The following VARS1 variants were observed in gnomAD, a reference collection of about 807,000 sequenced individuals.
The protein encoded by VARS1 is valyl-tRNA synthetase 1.
VARS1 carries 92 observed loss-of-function variants against 161.0 expected under a neutral mutation model. The observed-to-expected ratio is 0.57, with a 90% confidence interval of 0.48 to 0.68. The LOEUF (loss-of-function observed/expected upper bound fraction) is 0.68, where lower values mean the gene tolerates loss of function less well. Among genes scored for constraint, VARS1 ranks in the 30% least tolerant of loss-of-function variants. The pLI, the probability that VARS1 is intolerant of heterozygous loss-of-function variation, is 0.00. For synonymous variants in VARS1, 595 were observed against 682.5 expected (o/e 0.87, Z 2.00); for missense variants, 1,338 against 1,695.9 (o/e 0.79, Z 3.71).
Position 31,792,890 on chromosome 6 carries a change from T to C in VARS1, c.528A>G (p.Leu176=). ...TCCAGATCCGGCGGGCAGGTGGGTC[T>C]AGGACCTGGAACAGGAAATAAATGA... ...TALLLPFRYV[L]DPPARRIWNN... Residue 176 remains leucine (L), a synonymous_variant, in exon 4 of 30, where the codon CTA becomes CTG. Transcript: ENST00000375663. 6.2e-7 allele frequency: 1 copy of C among 1,614,138 alleles called. No individual in the cohort carries two copies. Among genetic ancestry groups the C allele is most frequent in the African/African-American group, 1.3e-5 (1 of 75,030 alleles).
rs370195598 is a variant in VARS1 at position 31,792,556 on chromosome 6, G to A, written c.662-40C>T. 3.1e-6 allele frequency: 5 copies of A among 1,612,904 alleles called. 1 individual carries two copies. The Middle Eastern group carries it at 6.7e-4, about 215-fold the overall frequency. The stretch of plus-strand genomic sequence containing the variant: ...AGAAATTCAGACTCAGCCAGCTGGG[G>A]ACCCTCTTGGACGGCCATACTAGGT... On this transcript the variant is annotated intron_variant, in intron 4 of 29. Coordinates refer to ENST00000375663, the MANE Select transcript of VARS1 (RefSeq NM_006295.3).
Position 31,782,362 on chromosome 6 carries a change from G to C in VARS1, c.2073C>G (p.Ala691=). 1 of 1,612,716 alleles carries C rather than the reference G, an allele frequency of 6.2e-7. No individual in the cohort carries two copies. The highest frequency in any genetic ancestry group is 8.5e-7 in the Non-Finnish European group (1 of 1,179,896). The change falls in exon 17 of 30, where the codon GCC becomes GCG. Residue 691 remains alanine (A), a synonymous_variant. Transcript: ENST00000375663. The surrounding 1 kb of genome is among the most constrained non-coding windows in gnomAD (Gnocchi z 8.3). The stretch of plus-strand genomic sequence containing the variant: ...TGCGGAGGTCACCCCGAGTCACAGC[G>C]GCGCTGGCAGCCTGGGCCATCTCCC... ...RCGEMAQAAS[A]AVTRGDLRIL... is the part of the protein sequence containing the mutation.
At chr6:31,794,704 G>A in intron 2 of VARS1, 127 bp downstream of exon 2, 1 of 1,320,704 alleles carries the variant, frequency 7.6e-7, no homozygotes, top group Non-Finnish European at 1.0e-6. Flanking sequence ...ATACCAGTTG[G>A]CAATCTGGGA....
Position 31,795,115 on chromosome 6 carries a change from C to T in VARS1, c.103G>A (p.Gly35Arg). ...GEAGEGPGWG[G>R]AHPRICLQPP... Reference sequence around the variant, plus strand: ...TGGAGACAGATGCGGGGGTGGGCTCCTCCCCATCCGGGACCCTCCCCAGCC... The same window carrying T: ...TGGAGACAGATGCGGGGGTGGGCTCTTCCCCATCCGGGACCCTCCCCAGCC... The change falls in exon 2 of 30, where the codon GGA (glycine) becomes AGA (arginine). Residue 35 changes from glycine (G) to arginine (R), a missense_variant. Physicochemically the swap from Gly to Arg is moderately radical, Grantham distance 125. Transcript: ENST00000375663. This position sits in a 1 kb window ranked among gnomAD's most constrained non-coding sequence, Gnocchi z 6.9. 6.7e-7 allele frequency: 1 copy of T among 1,487,218 alleles called. No homozygotes were observed. Among genetic ancestry groups the T allele is most frequent in the Non-Finnish European group, 8.9e-7 (1 of 1,117,500 alleles). 92.1% of individuals were successfully genotyped at this position (1,487,218 alleles called of 1,614,324 possible).
chr6:31,779,216 G>A lies in VARS1; in HGVS notation c.3477C>T (p.Ser1159=), dbSNP rs765007630. The A allele has an allele frequency of 3.4e-5, 54 of 1,606,678 alleles. No individual in the cohort carries two copies. The Admixed American group carries it at 5.5e-4, about 16-fold the overall frequency. The stretch of plus-strand genomic sequence containing the variant: ...GGGCCAGAACAGCCACCACACCTGC[G>A]CTGGCCAGGGCCTGCACGTAGCCCG... ...AVSGYVQALA[S]AGVVAVLALG... The change falls in exon 29 of 30, where the codon AGC becomes AGT. Residue 1159 remains serine (S), a synonymous_variant. Coordinates refer to ENST00000375663, the MANE Select transcript of VARS1 (RefSeq NM_006295.3). The surrounding 1 kb of genome is among the most constrained non-coding windows in gnomAD (Gnocchi z 9.1).
In VARS1 at chr6:31,779,078, T is replaced by G. The variant is rs1182804650; in HGVS notation, c.3615A>C (p.Gln1205His). The G allele has an allele frequency of 6.2e-7, 1 of 1,612,244 alleles. No individual in the cohort carries two copies. Among genetic ancestry groups the G allele is most frequent in the Non-Finnish European group, 8.5e-7 (1 of 1,179,786 alleles). ...VDPARELGKL[Q>H]AKRVEAQRQA... ...GCCGCTGGGCCTCAACTCGCTTGGC[T>G]TGCAGCTTGCCCAGCTCCCGTGCAG... is the stretch of plus-strand genomic sequence containing the variant. The change falls in exon 29 of 30, where the codon CAA becomes CAC. Residue 1205 changes from glutamine (Q) to histidine (H), a missense_variant. By Grantham distance (24) the Gln-to-His change is conservative (BLOSUM62 0). Transcript: ENST00000375663. This position sits in a 1 kb window ranked among gnomAD's most constrained non-coding sequence, Gnocchi z 9.1.
chr6:31,777,827 C>T lies in VARS1; in HGVS notation c.3727-165G>A. On this transcript the variant is annotated intron_variant, in intron 29 of 29. Transcript: ENST00000375663. This position sits in a 1 kb window ranked among gnomAD's most constrained non-coding sequence, Gnocchi z 5.8. Reference sequence around the variant, plus strand: ...GGCTCCCCACCCATTCCCACCAGCACCCCCACTTCCACCACCACCTCTTGG... The same window carrying T: ...GGCTCCCCACCCATTCCCACCAGCATCCCCACTTCCACCACCACCTCTTGG... The T allele has an allele frequency of 1.4e-6, 1 of 691,122 alleles. No individual in the cohort carries two copies. Among genetic ancestry groups the T allele is most frequent in the East Asian group, 2.7e-5 (1 of 36,852 alleles). The allele number at this position is 691,122 out of a possible 1,614,324, so 42.8% of individuals were successfully genotyped here.
In VARS1 at chr6:31,777,923, TCA is replaced by T. The variant is rs1386948305; in HGVS notation, c.3727-263_3727-262del. 5 of 579,974 alleles carry T rather than the reference TCA, an allele frequency of 8.6e-6. No individual in the cohort carries two copies. Among genetic ancestry groups the T allele is most frequent in the Non-Finnish European group, 1.5e-5 (5 of 325,134 alleles). The allele number at this position is 579,974 out of a possible 1,614,324, so 35.9% of individuals were successfully genotyped here. A position where few individuals can be genotyped will look rare whatever the true frequency, so the allele number is the denominator to read the frequency against. ...ACCTCAGAGCCTACGTGTTCCCCAT[TCA>T]GTGTCCCCACCTAAGCAGGAGAGCA... On this transcript the variant is annotated intron_variant, in intron 29 of 29. Transcript: ENST00000375663. The surrounding 1 kb of genome is among the most constrained non-coding windows in gnomAD (Gnocchi z 5.8).
Position 31,782,312 on chromosome 6 carries a change from G to A in VARS1, c.2123C>T (p.Thr708Ile). The A allele has an allele frequency of 6.2e-7, 1 of 1,613,048 alleles. No individual in the cohort carries two copies. Among genetic ancestry groups the A allele is most frequent in the Non-Finnish European group, 8.5e-7 (1 of 1,179,994 alleles). Residue 708 changes from threonine (T) to isoleucine (I), a missense_variant, in exon 17 of 30, where the codon ACA (threonine) becomes ATA (isoleucine). Physicochemically the swap from Thr to Ile is moderately conservative, Grantham distance 89. This residue lies in a region of VARS1 where 902 missense variants were observed against 1,090.3 expected (regional missense o/e 0.83). Coordinates refer to ENST00000375663, the MANE Select transcript of VARS1 (RefSeq NM_006295.3). This position sits in a 1 kb window ranked among gnomAD's most constrained non-coding sequence, Gnocchi z 8.3. ...LRILPEAHQR[T>I]WHAWMDNIRE... is the part of the protein sequence containing the mutation. ...GATGTTGTCCATCCAGGCATGCCAT[G>A]TGCGCTGATGGGCCTCAGGCAGGAT...
Position 31,777,555 on chromosome 6 carries a change from G to A in VARS1, c.*39C>T. The A allele has an allele frequency of 6.2e-7, 1 of 1,612,984 alleles. No individual in the cohort carries two copies. ...ATATTTTATTGCTGCCATCCCCATG[G>A]TGAGCCGCTGGGGGTGAGGGGTGAA... On this transcript the variant is annotated 3_prime_UTR_variant, in exon 30 of 30. Coordinates refer to ENST00000375663, the MANE Select transcript of VARS1 (RefSeq NM_006295.3). The surrounding 1 kb of genome is among the most constrained non-coding windows in gnomAD (Gnocchi z 5.8).
intron 8 of VARS1, among the ~76,000 whole-genome samples, chr6:31,789,947 G>A (rs1033853010): frequency 6.6e-6 from 1 of 151,818 alleles, no homozygotes; most frequent in East Asian, 1.9e-4. Flanking sequence ...TGGCGTTAAC[G>A]TGGGAGGCGG....
In VARS1 at chr6:31,779,239, C is replaced by T. The variant is rs1300555678; in HGVS notation, c.3454G>A (p.Gly1152Ser). The T allele has an allele frequency of 6.2e-7, 1 of 1,605,348 alleles. No individual in the cohort carries two copies. Among genetic ancestry groups the T allele is most frequent in the Admixed American group, 1.7e-5 (1 of 59,830 alleles). The change falls in exon 29 of 30, where the codon GGC becomes AGC. Residue 1152 changes from glycine to serine, a missense_variant. Transcript: ENST00000375663. The surrounding 1 kb of genome is among the most constrained non-coding windows in gnomAD (Gnocchi z 9.1). Reference sequence around the variant, plus strand: ...GCGCTGGCCAGGGCCTGCACGTAGCCCGACACCGCCGATGCCAGGGCGCCC... The same window carrying T: ...GCGCTGGCCAGGGCCTGCACGTAGCTCGACACCGCCGATGCCAGGGCGCCC... ...ATGALASAVS[G>S]YVQALASAGV...
intron 13 of VARS1, 104 bp from the exon 14 acceptor site, chr6:31,783,290 A>G: frequency 8.1e-7 from 1 of 1,236,630 alleles, no homozygotes; most frequent in South Asian, 1.3e-5. Flanking sequence ...AGATCACTTG[A>G]GGCCGGGAGT....
Position 31,780,810 on chromosome 6 carries a change from C to T in VARS1, c.2719-27G>A, listed in dbSNP as rs1029942397. ...TACAGGGAAGAGGCAGGGGGAGGAG[C>T]GTCCTCAGCCAGCCCCATCCACGCT... On this transcript the variant is annotated intron_variant, in intron 23 of 29. Transcript: ENST00000375663. The surrounding 1 kb of genome is among the most constrained non-coding windows in gnomAD (Gnocchi z 5.1). The T allele has an allele frequency of 5.0e-6, 8 of 1,614,046 alleles. No individual in the cohort carries two copies. Among genetic ancestry groups the T allele is most frequent in the South Asian group, 1.1e-5 (1 of 91,080 alleles).
chr6:31,790,014 G>A (rs142006308), intron 8 of VARS1, among the ~76,000 whole-genome samples: 4,072 of 151,218 alleles, frequency 0.027, 150 homozygotes, highest in Non-Finnish European at 0.028. Flanking sequence ...CTGGGTGACA[G>A]TGCAAGACCC....
Position 31,781,404 on chromosome 6 carries a change from C to T in VARS1, c.2544+77G>A, listed in dbSNP as rs945153563. ...CACAGCTAACCCCATGCCCCAGCCA[C>T]GCGGGGTCTGCGCTGCAGCACAGGA... On this transcript the variant is annotated intron_variant, in intron 21 of 29. Coordinates refer to ENST00000375663, the MANE Select transcript of VARS1 (RefSeq NM_006295.3). The surrounding 1 kb of genome is among the most constrained non-coding windows in gnomAD (Gnocchi z 6.8). 6 of 1,559,514 alleles carry T rather than the reference C, an allele frequency of 3.8e-6. No individual in the cohort carries two copies. Among genetic ancestry groups the T allele is most frequent in the African/African-American group, 2.7e-5 (2 of 73,958 alleles).
At chr6:31,788,124 G>GA (rs373579751) in intron 8 of VARS1, among the ~76,000 whole-genome samples, 69 of 133,496 alleles carry the variant, frequency 5.2e-4, no homozygotes, top group East Asian at 6.4e-4. Flanking sequence ...CATTTCCAAA[G>GA]AAAAAAAAAA....
chr6:31,779,572 G>A lies in VARS1; in HGVS notation c.3288+36C>T, dbSNP rs1406756754. 1.1e-5 allele frequency: 18 copies of A among 1,611,508 alleles called. No individual in the cohort carries two copies. The highest frequency in any genetic ancestry group is 1.4e-5 in the Non-Finnish European group (17 of 1,179,144). The stretch of plus-strand genomic sequence containing the variant: ...GAGGAGGGGGTGAGGGGGCCTGGAG[G>A]GCAGGTCAGACTCCCCTCTCCAGGC... On this transcript the variant is annotated intron_variant, in intron 27 of 29. Coordinates refer to ENST00000375663, the MANE Select transcript of VARS1 (RefSeq NM_006295.3). The surrounding 1 kb of genome is among the most constrained non-coding windows in gnomAD (Gnocchi z 9.1).
chr6:31,790,560 C>A (rs1813805077), intron 8 of VARS1, among the ~76,000 whole-genome samples: 1 of 131,922 alleles, frequency 7.6e-6, no homozygotes, highest in African/African-American at 2.9e-5. Context: ...CGAGATCATG[C>A]CACTGTACTC....
Sources: allele counts gnomAD v4.1 joint callset (sites outside exome capture counted in the v4.1 genomes callset), GRCh38; gene constraint gnomAD v4.1.1; regional missense constraint gnomAD v4.1.1; non-coding constraint Gnocchi (gnomAD v3.1); transcripts MANE v1.5; gene names NCBI Gene and HGNC (gene_info 2026-07-23, HGNC 2026-07-21).